The following HMCN1 variants were observed in gnomAD, a reference collection of about 807,000 sequenced individuals.
HMCN1 encodes hemicentin 1.
HMCN1 carries 321 observed loss-of-function variants against 625.9 expected under a neutral mutation model. The ratio of observed to expected loss-of-function variants is 0.51; its 90% CI spans 0.47 to 0.56. HMCN1 has a LOEUF of 0.56. Among genes scored for constraint, HMCN1 ranks in the 20% least tolerant of loss-of-function variants. The pLI is 0.00. For synonymous variants in HMCN1, 2,425 were observed against 2,417.6 expected, an observed-to-expected ratio of 1.00 and a Z score of -0.09; for missense variants, 6,588 against 6,887.3, an observed-to-expected ratio of 0.96 and a Z score of 1.54.
chr1:186,025,245 G>C (rs146915049), intron 36 of HMCN1, among the ~76,000 whole-genome samples: 2 of 152,254 alleles, frequency 1.3e-5, no homozygotes, highest in Non-Finnish European at 2.9e-5. Context: ...CTCACCTCCT[G>C]CTGTGTGGCC....
chr1:185,874,834 GAC>G (rs893307314), intron 4 of HMCN1, among the ~76,000 whole-genome samples: 2 of 151,808 alleles, frequency 1.3e-5, no homozygotes, highest in Admixed American at 6.6e-5. Flanking sequence ...TTAGGAAAAA[GAC>G]ACATGATATA....
At position 185,797,922 on chromosome 1, in the gene HMCN1, C is replaced by T. The variant is rs1041845251; in HGVS notation, c.269-48104C>T. 2.9e-4 allele frequency among the ~76,000 whole-genome samples: 34 copies of T among 116,532 alleles called. 1 individual carries two copies. In the South Asian group the frequency reaches 3.5e-3, roughly 12 times the overall value. 76.4% of individuals were successfully genotyped at this position (116,532 alleles called of 152,430 possible). Reference sequence around the variant, plus strand: ...CGGAGCTTGCAGTGAGCCGAGATCCCGCCACTGCACTCCAGCCTGGGCGAC... The same window carrying T: ...CGGAGCTTGCAGTGAGCCGAGATCCTGCCACTGCACTCCAGCCTGGGCGAC... On this transcript the variant is annotated intron_variant, in intron 1 of 106. Transcript: ENST00000271588.
chr1:185,737,449 A>G (rs1653672363), intron 1 of HMCN1, among the ~76,000 whole-genome samples: 1 of 152,174 alleles, frequency 6.6e-6, no homozygotes, highest in Admixed American at 6.5e-5. Flanking sequence ...TTGGAATGAC[A>G]GGAAGGACCT....
intron 11 of HMCN1, among the ~76,000 whole-genome samples, chr1:185,937,053 A>G (rs967704672): frequency 2.6e-5 from 4 of 152,238 alleles, no homozygotes; most frequent in Non-Finnish European, 5.9e-5. Flanking sequence ...TTAAGTAGAA[A>G]TACTGAGGAA....
At position 186,016,102 on chromosome 1, in the gene HMCN1, A is replaced by G; in HGVS notation, c.5054A>G (p.Asn1685Ser). 1 of 1,613,540 alleles carries G rather than the reference A, an allele frequency of 6.2e-7. No individual in the cohort carries two copies. Among genetic ancestry groups the G allele is most frequent in the South Asian group, 1.1e-5 (1 of 91,074 alleles). Residue 1685 changes from asparagine to serine, a missense_variant, in exon 32 of 107, where the codon AAT becomes AGT. Physicochemically the swap from Asn to Ser is conservative, Grantham distance 46. Around this residue, in one of 3 missense-constraint regions of HMCN1, gnomAD observed 4,628 missense variants for 4,853.1 expected, o/e 0.95. Coordinates refer to ENST00000271588, the MANE Select transcript of HMCN1 (RefSeq NM_031935.3). ...WLKDGVPVKANDNIRIEAGGK... is the reference protein window; with the variant it reads ...WLKDGVPVKASDNIRIEAGGK... ...AAAGATGGTGTACCTGTGAAAGCTA[A>G]TGACAATATCCGCATAGAAGCTGGT...
chr1:186,016,818 T>C (rs1654399265), intron 32 of HMCN1, 145 bp from the exon 33 acceptor site: 2 of 675,952 alleles, frequency 3.0e-6, no homozygotes, highest in Admixed American at 4.0e-5. Flanking sequence ...AAAATGTATT[T>C]ACAATGCATT....
intron 18 of HMCN1, 102 bp from the exon 19 acceptor site, chr1:185,984,067 C>A: frequency 1.2e-6 from 1 of 850,818 alleles, no homozygotes; most frequent in Non-Finnish European, 1.9e-6. Context: ...TGTTTATAGA[C>A]TTTTAGTAAC....
At chr1:185,844,675 C>A (rs1661700897) in intron 1 of HMCN1, among the ~76,000 whole-genome samples, 1 of 152,120 alleles carries the variant, frequency 6.6e-6, no homozygotes, top group African/African-American at 2.4e-5. Flanking sequence ...AGATAAGAAG[C>A]TTTTCATCCA....
rs534150356 is a variant in HMCN1, at chr1:185,747,185, G to T, written c.268+12138G>T. 4.6e-5 allele frequency among the ~76,000 whole-genome samples: 7 copies of T among 152,222 alleles called. No individual in the cohort carries two copies. The East Asian group carries it at 1.2e-3, about 25-fold the overall frequency. ...TTCTGATCAAAATATTTGCATTAGGGACTATCATAGACTCTAAACTCTGAT... is the reference window on the plus strand; with the variant it reads ...TTCTGATCAAAATATTTGCATTAGGTACTATCATAGACTCTAAACTCTGAT... On this transcript the variant is annotated intron_variant, in intron 1 of 106. Transcript: ENST00000271588.
chr1:186,188,643 C>G (rs1232895074), intron 106 of HMCN1, among the ~76,000 whole-genome samples: 1 of 152,126 alleles, frequency 6.6e-6, no homozygotes, highest in African/African-American at 2.4e-5. Flanking sequence ...TGGATAGGCC[C>G]TGCTAATAGG....
rs778108597 is a variant in HMCN1, at chr1:186,053,876, G to T, written c.6752G>T (p.Gly2251Val). 9 of 1,612,580 alleles carry T rather than the reference G, an allele frequency of 5.6e-6. No individual in the cohort carries two copies. Among genetic ancestry groups the T allele is most frequent in the Non-Finnish European group, 7.6e-6 (9 of 1,179,194 alleles). ...GGGCGAGTTAGAATTTTATCTGGGG[G>T]CAGGCAATTACAAATTTCAATTGCT... ...SMGRVRILSG[G>V]RQLQISIAEK... Residue 2251 changes from glycine to valine, a missense_variant, in exon 44 of 107, where the codon GGC (glycine) becomes GTC (valine). Gly to Val is a moderately radical substitution (Grantham distance 109). Around this residue, in one of 3 missense-constraint regions of HMCN1, gnomAD observed 4,628 missense variants for 4,853.1 expected, o/e 0.95. Coordinates refer to ENST00000271588, the MANE Select transcript of HMCN1 (RefSeq NM_031935.3).
rs760506982 is a variant in HMCN1, at chr1:186,128,269, C to A, written c.12882C>A (p.Thr4294=). 1 of 1,612,988 alleles carries A rather than the reference C, an allele frequency of 6.2e-7. No individual in the cohort carries two copies. Among genetic ancestry groups the A allele is most frequent in the Non-Finnish European group, 8.5e-7 (1 of 1,179,342 alleles). ...TGIPLPKLTW[T]FNNNIIPAHF... ...TTCCATTGCCCAAATTAACATGGACCTTCAATAACAATATTATTCCAGGTT... is the reference window on the plus strand; with the variant it reads ...TTCCATTGCCCAAATTAACATGGACATTCAATAACAATATTATTCCAGGTT... Residue 4294 remains threonine (T), a synonymous_variant, in exon 83 of 107, where the codon ACC becomes ACA. Transcript: ENST00000271588.
Position 186,155,729 on chromosome 1 carries a change from C to T in HMCN1, c.15256+1742C>T, listed in dbSNP as rs551990029. ...CTTACTATCCTTAGACACTGTGATT[C>T]TATGAATCACATCTGATGTATGTGT... On this transcript the variant is annotated intron_variant, in intron 97 of 106. Coordinates refer to ENST00000271588, the MANE Select transcript of HMCN1 (RefSeq NM_031935.3). 9.2e-5 allele frequency among the ~76,000 whole-genome samples: 14 copies of T among 152,278 alleles called. No individual in the cohort carries two copies. In the South Asian group the frequency reaches 2.9e-3, roughly 32 times the overall value.
intron 56 of HMCN1, 49 bp downstream of exon 56, chr1:186,081,443 CT>C: frequency 3.7e-6 from 5 of 1,335,118 alleles, no homozygotes; most frequent in Non-Finnish European, 5.3e-6. Context: ...TGACTTTGCA[CT>C]TTGTAATAAT....
intron 34 of HMCN1, 133 bp from the exon 35 acceptor site, chr1:186,019,408 G>C (rs1654568059): frequency 5.7e-6 from 4 of 702,864 alleles, no homozygotes; most frequent in Non-Finnish European, 1.0e-5. Context: ...CATGATGAAA[G>C]TATTTCATTG....
At chr1:185,784,939 A>G (rs532898164) in intron 1 of HMCN1, among the ~76,000 whole-genome samples, 3 of 152,312 alleles carry the variant, frequency 2.0e-5, no homozygotes, top group Admixed American at 6.5e-5. Flanking sequence ...CATTTTGCAT[A>G]TAAGTGGAAT....
chr1:185,957,351 C>T (rs941419353), intron 11 of HMCN1, among the ~76,000 whole-genome samples: 5 of 152,176 alleles, frequency 3.3e-5, no homozygotes, highest in African/African-American at 7.2e-5. Context: ...CAATTTGTCA[C>T]TGTTGAGTTG....
intron 41 of HMCN1, 60 bp downstream of exon 41, chr1:186,045,923 T>G: frequency 8.1e-7 from 1 of 1,241,124 alleles, no homozygotes; most frequent in Non-Finnish European, 1.2e-6. Context: ...GTTTTGGTAT[T>G]ACCCTATTTA....
intron 1 of HMCN1, among the ~76,000 whole-genome samples, chr1:185,800,809 C>T (rs1165690289): frequency 6.6e-6 from 1 of 152,020 alleles, no homozygotes; most frequent in Non-Finnish European, 1.5e-5. Context: ...ATCTATGAAA[C>T]ATGAATGTCT....
Sources: gnomAD v4.1 joint callset for allele counts (sites outside exome capture counted in the v4.1 genomes callset) on GRCh38, gnomAD v4.1.1 for gene constraint, gnomAD v4.1.1 regional missense constraint, MANE v1.5 for transcripts, NCBI Gene and HGNC (gene_info 2026-07-23, HGNC 2026-07-21) for gene names.